The following ADAM12 variants were observed in gnomAD, a reference collection of about 807,000 sequenced individuals.
ADAM12 encodes ADAM metallopeptidase domain 12.
In ADAM12, 70 loss-of-function variants were observed where a neutral mutation model predicts 106.4. The ratio of observed to expected loss-of-function variants is 0.66; its 90% CI spans 0.54 to 0.80. The LOEUF is 0.80. Among genes scored for constraint, ADAM12 ranks in the 30% least tolerant of loss-of-function variants. The pLI, the probability that ADAM12 is intolerant of heterozygous loss-of-function variation, is 0.00. For synonymous variants in ADAM12, 420 were observed against 433.5 expected (o/e 0.97, Z 0.39); for missense variants, 1,010 against 1,171.9 (o/e 0.86, Z 2.02).
chr10:126,018,317 G>C (rs1485898561), intron 22 of ADAM12, among the ~76,000 whole-genome samples: 1 of 152,214 alleles, frequency 6.6e-6, no homozygotes, highest in East Asian at 1.9e-4. Context: ...ACTCATCTGT[G>C]TGCTGGTAAA....
At chr10:126,243,489 A>ATGTGTGTGTGTG (rs57227903) in intron 3 of ADAM12, among the ~76,000 whole-genome samples, 2,609 of 146,918 alleles carry the variant, frequency 0.018, 85 homozygotes, top group African/African-American at 0.058. Context: ...GTGTGAGTGT[A>ATGTGTGTGTGTG]TGTGTGTGTG....
rs575227554 is a variant in ADAM12, at chr10:126,330,574, T to C, written c.89-65A>G. The C allele has an allele frequency of 3.6e-6, 5 of 1,381,042 alleles. No homozygotes were observed. In the African/African-American group the frequency reaches 7.2e-5, roughly 20 times the overall value. 85.5% of individuals were successfully genotyped at this position (1,381,042 alleles called of 1,614,324 possible). ...CAGGAAGAGTTTGGCATCAGAAGCT[T>C]ATTACATAAATGACACAGTGAAAAT... On this transcript the variant is annotated intron_variant, in intron 1 of 22. Transcript: ENST00000448723.
At chr10:126,242,608 C>T (rs530907302) in intron 3 of ADAM12, among the ~76,000 whole-genome samples, 4 of 152,302 alleles carry the variant, frequency 2.6e-5, no homozygotes, top group South Asian at 2.1e-4. Context: ...TCCTCCACAA[C>T]GCCCCTGACA....
intron 6 of ADAM12, among the ~76,000 whole-genome samples, chr10:126,112,172 A>G (rs1358426668): frequency 1.3e-5 from 2 of 152,044 alleles, no homozygotes; most frequent in African/African-American, 4.8e-5. Context: ...GAGTTGAACA[A>G]TAAGAACACA....
At chr10:126,249,661 G>A (rs1008510295) in intron 3 of ADAM12, among the ~76,000 whole-genome samples, 4 of 152,118 alleles carry the variant, frequency 2.6e-5, no homozygotes, top group African/African-American at 7.2e-5. Flanking sequence ...CCGAGATCAC[G>A]CCACTGCACT....
chr10:126,282,667 TA>T (rs1959642046), intron 2 of ADAM12, among the ~76,000 whole-genome samples: 1 of 152,230 alleles, frequency 6.6e-6, no homozygotes, highest in Non-Finnish European at 1.5e-5. Context: ...TTTTCATTGC[TA>T]TGTAGTATTC....
chr10:126,321,914 G>A (rs1020302999), intron 2 of ADAM12, among the ~76,000 whole-genome samples: 11 of 138,260 alleles, frequency 8.0e-5, no homozygotes, highest in Non-Finnish European at 1.1e-4. Flanking sequence ...TCGGGGGGGG[G>A]GCTTCAGCAA....
At chr10:126,146,202 G>C (rs1436397935) in intron 4 of ADAM12, among the ~76,000 whole-genome samples, 1 of 152,182 alleles carries the variant, frequency 6.6e-6, no homozygotes, top group Non-Finnish European at 1.5e-5. Context: ...GTCACCACGG[G>C]ACTTGGGTGA....
intron 1 of ADAM12, among the ~76,000 whole-genome samples, chr10:126,333,057 A>G (rs1854577508): frequency 6.6e-6 from 1 of 152,230 alleles, no homozygotes; most frequent in Non-Finnish European, 1.5e-5. Flanking sequence ...CACCTGCTGA[A>G]AAACCACACC....
At chr10:126,201,510 C>T (rs186197072) in intron 3 of ADAM12, among the ~76,000 whole-genome samples, 4 of 152,200 alleles carry the variant, frequency 2.6e-5, no homozygotes, top group South Asian at 2.1e-4. Context: ...TGGGAGGGAA[C>T]GTGGCCCTGC....
At chr10:126,055,156 GCACCCATCCCCTTA>G (rs982543608) in intron 14 of ADAM12, among the ~76,000 whole-genome samples, 1 of 152,160 alleles carries the variant, frequency 6.6e-6, no homozygotes, top group African/African-American at 2.4e-5. Context: ...CAACTTCCCT[GCACCCATCCCCTTA>G]CTCCTTTCAA....
At chr10:126,184,795 C>T (rs571684411) in intron 3 of ADAM12, among the ~76,000 whole-genome samples, 8 of 152,272 alleles carry the variant, frequency 5.3e-5, no homozygotes, top group African/African-American at 1.9e-4. Flanking sequence ...CCTGAGAGGA[C>T]CAGAGTTCAA....
chr10:126,315,250 C>T (rs933824263), intron 2 of ADAM12, among the ~76,000 whole-genome samples: 1 of 152,178 alleles, frequency 6.6e-6, no homozygotes, highest in South Asian at 2.1e-4. Context: ...TAACTAAAGA[C>T]GTACGTTTCC....
At chr10:126,143,380 G>A (rs1048414121) in intron 4 of ADAM12, among the ~76,000 whole-genome samples, 13 of 132,634 alleles carry the variant, frequency 9.8e-5, no homozygotes, top group South Asian at 2.3e-4. Context: ...TATGCTGTGC[G>A]TGTGTGTATA....
At chr10:126,285,982 T>A (rs952898283) in intron 2 of ADAM12, among the ~76,000 whole-genome samples, 1 of 151,620 alleles carries the variant, frequency 6.6e-6, no homozygotes, top group African/African-American at 2.4e-5. Flanking sequence ...CCTATTTTTT[T>A]TTTTTTTTTT....
At position 126,086,626 on chromosome 10, in the gene ADAM12, G is replaced by A. The variant is rs114892249; in HGVS notation, c.1145+7359C>T. ...TGGGATGCAGAGGTTGCAGTGAGCC[G>A]AGATGGCCCCAATGGACTCTGCCTC... is the stretch of plus-strand genomic sequence containing the variant. On this transcript the variant is annotated intron_variant, in intron 11 of 22. Transcript: ENST00000448723. 9.6e-3 allele frequency among the ~76,000 whole-genome samples: 1,052 copies of A among 110,144 alleles called. 36 individuals carry two copies. Among genetic ancestry groups the A allele is most frequent in the African/African-American group, 0.035 (970 of 27,538 alleles). The allele number at this position is 110,144 out of a possible 152,430, so 72.3% of individuals were successfully genotyped here. A position where few individuals can be genotyped will look rare whatever the true frequency, so the allele number is the denominator to read the frequency against.
At chr10:126,210,561 C>A (rs916124553) in intron 3 of ADAM12, among the ~76,000 whole-genome samples, 1 of 152,218 alleles carries the variant, frequency 6.6e-6, no homozygotes, top group East Asian at 1.9e-4. Context: ...GCTGACAGGA[C>A]GTGAGTGAGT....
At chr10:126,253,943 A>G (rs926232666) in intron 3 of ADAM12, among the ~76,000 whole-genome samples, 1 of 152,212 alleles carries the variant, frequency 6.6e-6, no homozygotes, top group Non-Finnish European at 1.5e-5. Flanking sequence ...ATTACAGCAC[A>G]GGATGCTGAA....
chr10:126,388,197 CCAT>C lies in ADAM12; in HGVS notation c.-55_-53del. 1 of 1,199,570 alleles carries C rather than the reference CCAT, an allele frequency of 8.3e-7. No individual in the cohort carries two copies. Among genetic ancestry groups the C allele is most frequent in the Non-Finnish European group, 1.0e-6 (1 of 967,010 alleles). The allele number at this position is 1,199,570 out of a possible 1,614,324, so 74.3% of individuals were successfully genotyped here. A position where few individuals can be genotyped will look rare whatever the true frequency, so the allele number is the denominator to read the frequency against. ...CTCGGGCCCGGCGGCGAGCGCTGCACCATCCCACGCGGGCGCCGAGCCGGGGCC... is the reference window on the plus strand; with the variant it reads ...CTCGGGCCCGGCGGCGAGCGCTGCACCCCACGCGGGCGCCGAGCCGGGGCC... On this transcript the variant is annotated 5_prime_UTR_variant, in exon 1 of 23. The change abolishes an upstream ATG in the 5' untranslated region. Transcript: ENST00000448723. The surrounding 1 kb of genome is among the most constrained non-coding windows in gnomAD (Gnocchi z 4.4).
Sources: allele counts gnomAD v4.1 joint callset (sites outside exome capture counted in the v4.1 genomes callset), GRCh38; gene constraint gnomAD v4.1.1; non-coding constraint Gnocchi (gnomAD v3.1); transcripts MANE v1.5; gene names NCBI Gene and HGNC (gene_info 2026-07-23, HGNC 2026-07-21).